The following NHSL1 variants were observed in gnomAD, a reference collection of about 807,000 sequenced individuals.
The protein encoded by NHSL1 is NHS-like protein 1.
Under a neutral mutation model 95.0 loss-of-function variants are expected in NHSL1, and 48 were observed. That is an observed-to-expected ratio of 0.51 (90% confidence interval 0.40 to 0.64). NHSL1 has a LOEUF of 0.64. Ranked by LOEUF, NHSL1 falls within the 30% of genes least tolerant of loss-of-function variation. The pLI, the probability that NHSL1 is intolerant of heterozygous loss-of-function variation, is 0.00. For synonymous variants in NHSL1, 783 were observed against 833.9 expected, an observed-to-expected ratio of 0.94 and a Z score of 1.05; for missense variants, 1,971 against 2,077.7, an observed-to-expected ratio of 0.95 and a Z score of 1.00.
chr6:138,586,781 G>C lies in NHSL1; in HGVS notation c.97-90410C>G, dbSNP rs181732621. ...ATCCAGAGCCAAGCACAGGGCTTGG[G>C]ACACTGTGAGTACCCTGTGTTTGAC... On this transcript the variant is annotated intron_variant, in intron 1 of 3. Coordinates refer to the NHSL1 transcript ENST00000491526. 3.9e-5 allele frequency among the ~76,000 whole-genome samples: 6 copies of C among 152,228 alleles called. No individual in the cohort carries two copies. In the East Asian group the frequency reaches 1.2e-3, roughly 29 times the overall value.
intron 1 of NHSL1, among the ~76,000 whole-genome samples, chr6:138,592,658 TC>T (rs2114529984): frequency 1.3e-5 from 2 of 151,740 alleles, no homozygotes; most frequent in South Asian, 4.2e-4. Context: ...CCCCTACATA[TC>T]CAGAACTAAA....
intron 1 of NHSL1, among the ~76,000 whole-genome samples, chr6:138,531,758 C>T (rs550879407): frequency 8.2e-4 from 125 of 152,270 alleles, no homozygotes; most frequent in African/African-American, 2.9e-3. Context: ...AAGTGATCTG[C>T]CTGCCTAGCC....
At chr6:138,646,838 C>A (rs986972359) in intron 1 of NHSL1, among the ~76,000 whole-genome samples, 1 of 152,210 alleles carries the variant, frequency 6.6e-6, no homozygotes, top group Non-Finnish European at 1.5e-5. Context: ...TACTTTTACA[C>A]AATCACACAG....
chr6:138,682,751 AG>A (rs1785528028), intron 1 of NHSL1, among the ~76,000 whole-genome samples: 1 of 152,120 alleles, frequency 6.6e-6, no homozygotes, highest in African/African-American at 2.4e-5. Flanking sequence ...GGTCCTTGCT[AG>A]GGAGGTCTGT....
chr6:138,530,936 T>G (rs766614570), intron 1 of NHSL1, among the ~76,000 whole-genome samples: 3 of 152,176 alleles, frequency 2.0e-5, no homozygotes, highest in Non-Finnish European at 4.4e-5. Flanking sequence ...AAAAACCATC[T>G]GTTCAATAGT....
At position 138,424,116 on chromosome 6, in the gene NHSL1, G is replaced by A; in HGVS notation, c.4786C>T (p.Pro1596Ser). ...TCGCTCAGAGAACCGCCACACTGTG[G>A]GGAGGGCTCTCTGCCCTCTGCACTG... ...TASAEGREPSPQCGGSLSEES is the reference protein window; with the variant it reads ...TASAEGREPSSQCGGSLSEES The change falls in exon 8 of 8, where the codon CCA becomes TCA. Residue 1596 changes from proline (P) to serine (S), a missense_variant. Physicochemically the swap from Pro to Ser is moderately conservative, Grantham distance 74. Around this residue, in one of 3 missense-constraint regions of NHSL1, gnomAD observed 223 missense variants for 217.0 expected, o/e 1.03. Transcript: ENST00000343505. The surrounding 1 kb of genome is among the most constrained non-coding windows in gnomAD (Gnocchi z 5.9). 2.1e-6 allele frequency: 3 copies of A among 1,416,362 alleles called. No individual in the cohort carries two copies. The highest frequency in any genetic ancestry group is 2.8e-6 in the Non-Finnish European group (3 of 1,086,808). The allele number at this position is 1,416,362 out of a possible 1,614,324, so 87.7% of individuals were successfully genotyped here.
At chr6:138,543,145 T>C (rs1156507518) in intron 1 of NHSL1, among the ~76,000 whole-genome samples, 2 of 152,210 alleles carry the variant, frequency 1.3e-5, no homozygotes, top group African/African-American at 4.8e-5. Context: ...AATCATATTA[T>C]TTGATTAGCC....
At chr6:138,564,807 T>G (rs1783546402) in intron 1 of NHSL1, among the ~76,000 whole-genome samples, 1 of 152,146 alleles carries the variant, frequency 6.6e-6, no homozygotes, top group African/African-American at 2.4e-5. Context: ...ACAAGAGCCA[T>G]CAGCTCTGCC....
chr6:138,465,805 C>T (rs1435574564), intron 3 of NHSL1, among the ~76,000 whole-genome samples: 5 of 148,950 alleles, frequency 3.4e-5, no homozygotes, highest in Admixed American at 6.7e-5. Context: ...CTCACTGCAA[C>T]CTCTGCCTCC....
In NHSL1 at chr6:138,447,086, C is replaced by T. The variant is rs1401761235; in HGVS notation, c.447G>A (p.Lys149=). ...CTTCTGGTGTTGGCAGTGGAAGCGACTTGGTCCAGTTCGTCTGAGTATTAA... is the reference window on the plus strand; with the variant it reads ...CTTCTGGTGTTGGCAGTGGAAGCGATTTGGTCCAGTTCGTCTGAGTATTAA... ...SDLNTQTNWT[K]SLPLPTPEEK... The change falls in exon 4 of 8, where the codon AAG becomes AAA. Residue 149 remains lysine, a synonymous_variant. Transcript: ENST00000343505. 1.9e-6 allele frequency: 3 copies of T among 1,551,616 alleles called. No individual in the cohort carries two copies. The Admixed American group carries it at 5.9e-5, about 30-fold the overall frequency.
intron 7 of NHSL1, among the ~76,000 whole-genome samples, chr6:138,425,368 A>T (rs1216890767): frequency 6.6e-6 from 1 of 152,178 alleles, no homozygotes; most frequent in Non-Finnish European, 1.5e-5. Context: ...AAGTGCTGGG[A>T]TTATAGGCGT....
At chr6:138,588,803 C>G (rs1179698354) in intron 1 of NHSL1, among the ~76,000 whole-genome samples, 1 of 152,202 alleles carries the variant, frequency 6.6e-6, no homozygotes, top group Non-Finnish European at 1.5e-5. Context: ...TGACTTAGAG[C>G]AGATGGCTCT....
intron 1 of NHSL1, among the ~76,000 whole-genome samples, chr6:138,564,610 A>T (rs1471594696): frequency 1.3e-5 from 2 of 151,986 alleles, no homozygotes; most frequent in Non-Finnish European, 2.9e-5. Flanking sequence ...TGTTAAGTTT[A>T]CCCATTCAGC....
chr6:138,464,715 CTTTTT>C (rs1157342436), intron 3 of NHSL1, among the ~76,000 whole-genome samples: 1 of 119,022 alleles, frequency 8.4e-6, no homozygotes, highest in African/African-American at 3.5e-5. Context: ...TTTTTCTTTT[CTTTTT>C]TTTTTTTTTT....
intron 1 of NHSL1, among the ~76,000 whole-genome samples, chr6:138,509,073 T>C (rs1245059062): frequency 2.0e-4 from 31 of 152,056 alleles, no homozygotes; most frequent in Admixed American, 1.6e-3. Context: ...CACTTGGCCT[T>C]TCCCAATTCA....
At chr6:138,615,161 G>C (rs528815822) in intron 1 of NHSL1, among the ~76,000 whole-genome samples, 1 of 152,286 alleles carries the variant, frequency 6.6e-6, no homozygotes, top group South Asian at 2.1e-4. Context: ...GCGTGAGCCA[G>C]GTCAGTGCCA....
chr6:138,639,404 C>T (rs899085895), intron 1 of NHSL1, among the ~76,000 whole-genome samples: 2 of 151,574 alleles, frequency 1.3e-5, no homozygotes, highest in African/African-American at 2.4e-5. Context: ...TTTGGGCGGC[C>T]GAGGTAGGTG....
intron 1 of NHSL1, chr6:138,571,516 A>C (rs1783838059): frequency 1.7e-6 from 1 of 602,638 alleles, no homozygotes; most frequent in Middle Eastern, 4.4e-4. Context: ...ATGATACAAG[A>C]TACAAGCTCA....
At chr6:138,541,223 C>T (rs151245068) in intron 1 of NHSL1, among the ~76,000 whole-genome samples, 8 of 152,100 alleles carry the variant, frequency 5.3e-5, no homozygotes, top group Non-Finnish European at 7.4e-5. Context: ...AAAAATTAGC[C>T]GGACAAGGTG....
Sources: allele counts gnomAD v4.1 joint callset (sites outside exome capture counted in the v4.1 genomes callset), GRCh38; gene constraint gnomAD v4.1.1; regional missense constraint gnomAD v4.1.1; non-coding constraint Gnocchi (gnomAD v3.1); transcripts MANE v1.5; gene names NCBI Gene and HGNC (gene_info 2026-07-23, HGNC 2026-07-21).